Variants in FAM228B observed in about 807,000 individuals in gnomAD.
The protein encoded by FAM228B is family with sequence similarity 228 member B, also known as protein FAM228B.
FAM228B carries 38 observed loss-of-function variants against 42.6 expected under a neutral mutation model. The observed-to-expected ratio is 0.89, with a 90% confidence interval of 0.69 to 1.17. The LOEUF is 1.17. Ranked by LOEUF, FAM228B falls within the 50% of genes most tolerant of loss-of-function variation. The pLI is 0.00. For synonymous variants in FAM228B, 109 were observed against 122.3 expected, an observed-to-expected ratio of 0.89 and a Z score of 0.72; for missense variants, 344 against 367.3, an observed-to-expected ratio of 0.94 and a Z score of 0.52.
At chr2:24,165,182 T>C (rs926045575) in intron 9 of FAM228B, among the ~76,000 whole-genome samples, 1 of 152,038 alleles carries the variant, frequency 6.6e-6, no homozygotes, top group African/African-American at 2.4e-5. Flanking sequence ...TTTAGAGGAA[T>C]TGCCCAGTGT....
chr2:24,152,695 C>T (rs1667052143), intron 7 of FAM228B, among the ~76,000 whole-genome samples: 1 of 152,212 alleles, frequency 6.6e-6, no homozygotes, highest in Non-Finnish European at 1.5e-5. Context: ...CCCCTGTGGC[C>T]ACCATTACTG....
intron 2 of FAM228B, among the ~76,000 whole-genome samples, chr2:24,083,741 G>A (rs1422095950): frequency 6.6e-6 from 1 of 152,170 alleles, no homozygotes; most frequent in Non-Finnish European, 1.5e-5. Context: ...TCAGCTCCGG[G>A]ACTCTCAGAG....
chr2:24,139,016 G>A (rs1488477020), intron 4 of FAM228B, among the ~76,000 whole-genome samples: 1 of 150,084 alleles, frequency 6.7e-6, no homozygotes, highest in African/African-American at 2.4e-5. Flanking sequence ...TTTTTCTTTT[G>A]TTCTGGAACT....
chr2:24,121,632 A>T (rs932933659), upstream of FAM228B, among the ~76,000 whole-genome samples: 1 of 152,012 alleles, frequency 6.6e-6, no homozygotes, highest in African/African-American at 2.4e-5. Context: ...TCATGTTGAA[A>T]TCTGATTCCC....
Position 24,115,721 on chromosome 2 carries a change from C to T in FAM228B, c.-120-19398C>T. On this transcript the variant is annotated intron_variant, in intron 3 of 10. Coordinates refer to the FAM228B transcript ENST00000613899. ...AACATTGCCAGGTGACTGCCATGTG[C>T]TAGGCACTGTGCTAGGTACTGGAGA... 3.4e-6 allele frequency: 4 copies of T among 1,193,968 alleles called. No individual in the cohort carries two copies. The South Asian group carries it at 3.7e-5, about 11-fold the overall frequency. The allele number at this position is 1,193,968 out of a possible 1,614,324, so 74.0% of individuals were successfully genotyped here.
intron 3 of FAM228B, among the ~76,000 whole-genome samples, chr2:24,106,722 A>C (rs544440841): frequency 3.9e-5 from 6 of 152,130 alleles, no homozygotes; most frequent in Non-Finnish European, 8.8e-5. Flanking sequence ...CCGACAAGCA[A>C]ATGCTGAGGG....
rs1666629185 is a variant in FAM228B, at chr2:24,137,936, G to C, written c.196G>C (p.Ala66Pro). ...ACTAGATAAGTATTTACAACATCATGCCTTCTTAAATGCAAGAAGAAAGGA... is the reference window on the plus strand; with the variant it reads ...ACTAGATAAGTATTTACAACATCATCCCTTCTTAAATGCAAGAAGAAAGGA... ...KELDKYLQHH[A>P]FLNARRKEML... Residue 66 changes from alanine (A) to proline (P), a missense_variant, in exon 4 of 11, where the codon GCC (alanine) becomes CCC (proline). Transcript: ENST00000615575. 3 of 1,538,222 alleles carry C rather than the reference G, an allele frequency of 2.0e-6. No homozygotes were observed. Among genetic ancestry groups the C allele is most frequent in the South Asian group, 1.2e-5 (1 of 80,478 alleles).
intron 2 of FAM228B, chr2:24,082,805 G>A (rs1377302764): frequency 1.3e-6 from 2 of 1,487,318 alleles, no homozygotes; most frequent in Non-Finnish European, 1.8e-6. Flanking sequence ...AGTGCCCTGG[G>A]GGATTGCTGG....
intron 2 of FAM228B, among the ~76,000 whole-genome samples, chr2:24,091,880 T>C (rs374225321): frequency 3.9e-5 from 6 of 152,114 alleles, no homozygotes; most frequent in African/African-American, 1.4e-4. Context: ...TTGGATAAAG[T>C]GGTGTTAGAG....
At chr2:24,119,184 C>A (rs150410026), upstream of FAM228B, among the ~76,000 whole-genome samples, 14 of 152,256 alleles carry the variant, frequency 9.2e-5, no homozygotes, top group African/African-American at 3.4e-4. Context: ...TCCCCCCTCC[C>A]CTATCCTGCC....
At chr2:24,082,601 C>T (rs147497344) in intron 2 of FAM228B, among the ~76,000 whole-genome samples, 196 of 152,272 alleles carry the variant, frequency 1.3e-3, no homozygotes, top group Non-Finnish European at 1.4e-3. Context: ...TGCACTGGGA[C>T]CCCAGAGAGA....
At chr2:24,130,565 G>T (rs910584523) in intron 2 of FAM228B, among the ~76,000 whole-genome samples, 2 of 152,110 alleles carry the variant, frequency 1.3e-5, no homozygotes, top group Non-Finnish European at 2.9e-5. Flanking sequence ...GATCAGTGAT[G>T]TTGAGATTTT....
chr2:24,091,577 G>A (rs1665392967), intron 2 of FAM228B, among the ~76,000 whole-genome samples: 5 of 152,138 alleles, frequency 3.3e-5, no homozygotes, highest in Admixed American at 6.5e-5. Context: ...AGAATCAATA[G>A]CTTTATTCTA....
chr2:24,125,323 C>T (rs1272866762), intron 2 of FAM228B, among the ~76,000 whole-genome samples: 1 of 152,134 alleles, frequency 6.6e-6, no homozygotes, highest in Non-Finnish European at 1.5e-5. Flanking sequence ...TTTGAGGCTG[C>T]AGTGAGCTGT....
intron 2 of FAM228B, among the ~76,000 whole-genome samples, chr2:24,093,734 G>A (rs1266340081): frequency 6.6e-6 from 1 of 151,472 alleles, no homozygotes; most frequent in Non-Finnish European, 1.5e-5. Flanking sequence ...TCCTGCCTTA[G>A]CCTCCCAAGT....
At chr2:24,150,355 TA>T (rs2151025121) in intron 7 of FAM228B, among the ~76,000 whole-genome samples, 1 of 152,216 alleles carries the variant, frequency 6.6e-6, no homozygotes, top group South Asian at 2.1e-4. Flanking sequence ...GCTTGAAGGA[TA>T]TTTTTTTTTC....
chr2:24,103,964 G>T lies in FAM228B; in HGVS notation c.-121+8735G>T, dbSNP rs1573738933. On this transcript the variant is annotated intron_variant, in intron 3 of 10. Transcript: ENST00000613899. ...ACGATTGAGATGAATTGGGGGTGGG[G>T]CCGAGATAGTGGACTAGAGGCAGCT... Among the ~76,000 whole-genome samples the T allele has an allele frequency of 2.6e-5, 4 of 152,334 alleles. No homozygotes were observed. In the South Asian group the frequency reaches 6.2e-4, roughly 24 times the overall value.
At chr2:24,151,084 C>G (rs952304462) in intron 7 of FAM228B, among the ~76,000 whole-genome samples, 1 of 152,104 alleles carries the variant, frequency 6.6e-6, no homozygotes, top group Non-Finnish European at 1.5e-5. Context: ...GAGGCTATTT[C>G]CTGATCTTAC....
chr2:24,132,330 T>G (rs1025025789), intron 2 of FAM228B, among the ~76,000 whole-genome samples: 2 of 152,198 alleles, frequency 1.3e-5, no homozygotes, highest in Admixed American at 6.5e-5. Context: ...GGTACCAGGA[T>G]GATGGCCTCA....
Sources: gnomAD v4.1 joint callset for allele counts (sites outside exome capture counted in the v4.1 genomes callset) on GRCh38, gnomAD v4.1.1 for gene constraint, MANE v1.5 for transcripts, NCBI Gene and HGNC (gene_info 2026-07-23, HGNC 2026-07-21) for gene names.